CPZ: variants seen among roughly 807,000 people sequenced by gnomAD.
CPZ encodes the protein carboxypeptidase Z.
In CPZ, 103 loss-of-function variants were observed where a neutral mutation model predicts 61.8. The observed-to-expected ratio is 1.67, with a 90% confidence interval of 1.42 to 1.96. The LOEUF (loss-of-function observed/expected upper bound fraction) is 1.96, where lower values mean the gene tolerates loss of function less well. CPZ is among the 30% of genes most tolerant of loss of function. The pLI, the probability that CPZ is intolerant of heterozygous loss-of-function variation, is 0.00. For synonymous variants in CPZ, 551 were observed against 373.7 expected, an observed-to-expected ratio of 1.47 and a Z score of -5.47; for missense variants, 1,461 against 914.9, an observed-to-expected ratio of 1.60 and a Z score of -7.70.
chr4:8,609,217 C>CACTT (rs1474117197), intron 7 of CPZ, among the ~76,000 whole-genome samples: 2 of 138,162 alleles, frequency 1.4e-5, no homozygotes, highest in Non-Finnish European at 3.3e-5. Context: ...CTTACTCATT[C>CACTT]ACTTACTCAC....
chr4:8,592,935 C>T lies in CPZ; in HGVS notation c.88+14C>T, dbSNP rs950894365. The T allele has an allele frequency of 7.9e-6, 12 of 1,523,602 alleles. No homozygotes were observed. The African/African-American group carries it at 1.4e-4, about 18-fold the overall frequency. The allele number at this position is 1,523,602 out of a possible 1,614,324, so 94.4% of individuals were successfully genotyped here. On this transcript the variant is annotated intron_variant, in intron 1 of 10. Coordinates refer to ENST00000360986, the MANE Select transcript of CPZ (RefSeq NM_001014447.3). ...GGAACCCCGCCGGTAAGGCCGTCCC[C>T]TGCCCCCACCCTCCACCCTCCACCC...
rs1249202620 is a variant in CPZ at position 8,607,432 on chromosome 4, G to C, written c.1227+7G>C. The C allele has an allele frequency of 5.6e-6, 9 of 1,613,532 alleles. No individual in the cohort carries two copies. Among genetic ancestry groups the C allele is most frequent in the Non-Finnish European group, 7.6e-6 (9 of 1,179,794 alleles). On this transcript the variant is annotated splice_region_variant and intron_variant, in intron 7 of 10. Coordinates refer to ENST00000360986, the MANE Select transcript of CPZ (RefSeq NM_001014447.3). Reference sequence around the variant, plus strand: ...TCCCACGCCCGACGAGAAGGTGAGAGGGCTGTCGGGTGTGTGCAGGGGAGG... The same window carrying C: ...TCCCACGCCCGACGAGAAGGTGAGACGGCTGTCGGGTGTGTGCAGGGGAGG...
chr4:8,601,105 C>A lies in CPZ; in HGVS notation c.122-18C>A. On this transcript the variant is annotated intron_variant, in intron 2 of 10. Coordinates refer to ENST00000360986, the MANE Select transcript of CPZ (RefSeq NM_001014447.3). ...GGCCACTGCAGGAGGGACTGACCTGCCGACCCTGCCTCCCCAGCCACCTGC... is the reference window on the plus strand; with the variant it reads ...GGCCACTGCAGGAGGGACTGACCTGACGACCCTGCCTCCCCAGCCACCTGC... 1 of 1,553,940 alleles carries A rather than the reference C, an allele frequency of 6.4e-7. No homozygotes were observed. The highest frequency in any genetic ancestry group is 8.7e-7 in the Non-Finnish European group (1 of 1,144,314).
At chr4:8,608,660 A>C (rs1004202838) in intron 7 of CPZ, among the ~76,000 whole-genome samples, 11 of 7,132 alleles carry the variant, frequency 1.5e-3, no homozygotes, top group Non-Finnish European at 3.2e-3. Flanking sequence ...GTGTGCATGC[A>C]TGTGCACACG....
At chr4:8,593,873 T>A (rs1161083767) in intron 1 of CPZ, among the ~76,000 whole-genome samples, 1 of 152,190 alleles carries the variant, frequency 6.6e-6, no homozygotes, top group Non-Finnish European at 1.5e-5. Context: ...TGGGCTCTTT[T>A]CTACCCGCTG....
In CPZ at chr4:8,601,344, C is replaced by T. The variant is rs751661493; in HGVS notation, c.343C>T (p.Arg115Cys). ...CCCCCGGTGTGAGGGCGGCTGGGTG[C>T]GCAGACCCTGCCGGCACATCTGCGA... ...LAPRCEGGWV[R>C]RPCRHICEGL... The change falls in exon 3 of 11, where the codon CGC becomes TGC. Residue 115 changes from arginine to cysteine, a missense_variant. By Grantham distance (180) the Arg-to-Cys change is radical (BLOSUM62 -3). Coordinates refer to ENST00000360986, the MANE Select transcript of CPZ (RefSeq NM_001014447.3). 52 of 1,604,832 alleles carry T rather than the reference C, an allele frequency of 3.2e-5. No individual in the cohort carries two copies. In the East Asian group the frequency reaches 4.1e-4, roughly 13 times the overall value.
intron 1 of CPZ, among the ~76,000 whole-genome samples, chr4:8,598,308 G>C (rs1241864746): frequency 1.3e-5 from 2 of 152,234 alleles, no homozygotes; most frequent in Non-Finnish European, 2.9e-5. Flanking sequence ...CCTGGCCACA[G>C]AGCAGCCCAG....
At chr4:8,605,950 C>G in intron 4 of CPZ, 39 bp from the exon 5 acceptor site, 1 of 1,589,934 alleles carries the variant, frequency 6.3e-7, no homozygotes, top group Non-Finnish European at 8.6e-7. Context: ...GGACCCCCGG[C>G]TTTGAGATGA....
chr4:8,615,414 A>G (rs780981684), intron 9 of CPZ, among the ~76,000 whole-genome samples: 6 of 152,116 alleles, frequency 3.9e-5, no homozygotes, highest in African/African-American at 7.2e-5. Flanking sequence ...AGCTTCTGCT[A>G]TTTTTTTCCC....
Position 8,614,392 on chromosome 4 carries a change from G to C in CPZ, c.1397G>C (p.Cys466Ser), listed in dbSNP as rs1336157623. ...MSDFNYLHTN[C>S]FEITVELGCV... is the part of the protein sequence containing the mutation. ...GATTTCAACTACCTGCACACCAACTGCTTTGAGATCACGGTAGAGCTGGGC... is the reference window on the plus strand; with the variant it reads ...GATTTCAACTACCTGCACACCAACTCCTTTGAGATCACGGTAGAGCTGGGC... Residue 466 changes from cysteine (C) to serine (S), a missense_variant, in exon 9 of 11, where the codon TGC (cysteine) becomes TCC (serine). Cys to Ser is a moderately radical substitution (Grantham distance 112). Transcript: ENST00000360986. The C allele has an allele frequency of 6.2e-7, 1 of 1,613,932 alleles. No homozygotes were observed.
At chr4:8,614,034 G>A (rs964681550) in intron 8 of CPZ, among the ~76,000 whole-genome samples, 4 of 152,266 alleles carry the variant, frequency 2.6e-5, no homozygotes, top group Non-Finnish European at 5.9e-5. Flanking sequence ...CCGCCAAGCG[G>A]CCTGAGCTCA....
At chr4:8,603,833 G>A in intron 3 of CPZ, 143 bp from the exon 4 acceptor site, 1 of 712,976 alleles carries the variant, frequency 1.4e-6, no homozygotes, top group Non-Finnish European at 2.4e-6. Context: ...CACTGCAGAG[G>A]GAACTCTAAT....
At chr4:8,611,054 GCTCA>G (rs964310733) in intron 7 of CPZ, 19 of 370,250 alleles carry the variant, frequency 5.1e-5, no homozygotes, top group African/African-American at 1.5e-4. Context: ...TCACGCATTC[GCTCA>G]CTCACTCATT....
chr4:8,595,946 C>T (rs1055743529), intron 1 of CPZ, among the ~76,000 whole-genome samples: 3 of 152,192 alleles, frequency 2.0e-5, no homozygotes, highest in African/African-American at 7.2e-5. Flanking sequence ...CCTGGGGCCA[C>T]CAGGAGCCGG....
chr4:8,619,442 T>A lies in CPZ; in HGVS notation c.1784T>A (p.Leu595Gln). The A allele has an allele frequency of 1.9e-6, 3 of 1,613,630 alleles. No homozygotes were observed. Among genetic ancestry groups the A allele is most frequent in the Non-Finnish European group, 2.5e-6 (3 of 1,179,778 alleles). The change falls in exon 11 of 11, where the codon CTG (leucine) becomes CAG (glutamine). Residue 595 changes from leucine to glutamine, a missense_variant. Physicochemically the swap from Leu to Gln is moderately radical, Grantham distance 113 (BLOSUM62 -2). Transcript: ENST00000360986. ...GMGPKNFIHGLRRTGPHDPLG... is the reference protein window; with the variant it reads ...GMGPKNFIHGQRRTGPHDPLG... ...GGACCCAAGAACTTTATTCATGGGC[T>A]GCGGAGGACTGGGCCCCACGACCCA...
chr4:8,619,654 G>A lies in CPZ; in HGVS notation c.*37G>A, dbSNP rs753143458. The A allele has an allele frequency of 6.3e-6, 9 of 1,429,888 alleles. No homozygotes were observed. The highest frequency in any genetic ancestry group is 2.5e-4 in the Middle Eastern group (1 of 3,940). 88.6% of individuals were successfully genotyped at this position (1,429,888 alleles called of 1,614,324 possible). On this transcript the variant is annotated 3_prime_UTR_variant, in exon 11 of 11. Transcript: ENST00000360986. ...GCACCCGCCAGGATGTGGAGACCGA[G>A]GCCCATCTCCGCATCCCGGGCTCCT...
intron 9 of CPZ, among the ~76,000 whole-genome samples, chr4:8,615,511 G>A (rs148777239): frequency 6.6e-6 from 1 of 152,260 alleles, no homozygotes; most frequent in Admixed American, 6.5e-5. Flanking sequence ...AGCTGCAGCA[G>A]CAAGGAGAGG....
rs555769385 is a variant in CPZ at position 8,614,564 on chromosome 4, C to G, written c.1503+66C>G. 5.8e-6 allele frequency: 9 copies of G among 1,551,592 alleles called. No individual in the cohort carries two copies. The Admixed American group carries it at 1.7e-4, about 29-fold the overall frequency. On this transcript the variant is annotated intron_variant, in intron 9 of 10. Transcript: ENST00000360986. ...CTGGGTGGGGTGGGTCACATTCAGG[C>G]CCCCAGGGCAGCCCCCGTAGCCTCA... is the stretch of plus-strand genomic sequence containing the variant.
At chr4:8,610,133 C>CTGG (rs1311229725) in intron 7 of CPZ, among the ~76,000 whole-genome samples, 1 of 152,222 alleles carries the variant, frequency 6.6e-6, no homozygotes, top group African/African-American at 2.4e-5. Context: ...GGGGCAGGAG[C>CTGG]TGGGTGGGCT....
Sources: allele counts gnomAD v4.1 joint callset (sites outside exome capture counted in the v4.1 genomes callset), GRCh38; gene constraint gnomAD v4.1.1; transcripts MANE v1.5; gene names NCBI Gene and HGNC (gene_info 2026-07-23, HGNC 2026-07-21).